Variants in RET observed in about 807,000 individuals in gnomAD.
RET encodes proto-oncogene tyrosine-protein kinase receptor Ret.
Under a neutral mutation model 118.3 loss-of-function variants are expected in RET, and 19 were observed. That is an observed-to-expected ratio of 0.16 (90% CI 0.11 to 0.24). RET has a LOEUF of 0.24. RET is among the 10% of genes least tolerant of loss of function. The pLI, the probability that RET is intolerant of heterozygous loss-of-function variation, is 1.00. For synonymous variants in RET, 597 were observed against 644.1 expected (o/e 0.93, Z 1.11); for missense variants, 1,219 against 1,502.1 (o/e 0.81, Z 3.12).
intron 12 of RET, 123 bp downstream of exon 12, chr10:43,116,854 T>G (rs1588875673): frequency 2.4e-6 from 3 of 1,260,664 alleles, no homozygotes; most frequent in Non-Finnish European, 3.3e-6. Flanking sequence ...GCGGCTGCAG[T>G]TGGGGGACCC....
intron 1 of RET, among the ~76,000 whole-genome samples, chr10:43,090,947 G>T (rs1375635920): frequency 6.6e-6 from 1 of 151,502 alleles, no homozygotes. Context: ...AGCAGCTGAA[G>T]TGGGAACTGC....
Position 43,121,980 on chromosome 10 carries a change from C to G in RET, c.2765C>G (p.Ser922Cys), listed in dbSNP as rs377767432. The G allele has an allele frequency of 6.2e-7, 1 of 1,613,858 alleles. No homozygotes were observed. The highest frequency in any genetic ancestry group is 1.1e-5 in the South Asian group (1 of 91,070). Reference protein sequence around the residue: ...RIPVKWMAIESLFDHIYTTQS... With the variant: ...RIPVKWMAIECLFDHIYTTQS... ...CCAGTTAAATGGATGGCAATTGAAT[C>G]CCTTTTTGATCATATCTACACCACG... Residue 922 changes from serine to cysteine, a missense_variant, in exon 16 of 20, where the codon TCC becomes TGC. Around this residue, in one of 5 missense-constraint regions of RET, gnomAD observed 73 missense variants for 156.5 expected, o/e 0.47. Coordinates refer to ENST00000355710, the MANE Select transcript of RET (RefSeq NM_020975.6).
chr10:43,077,406 A>G (rs969818205), intron 1 of RET, 75 bp downstream of exon 1: 27 of 1,451,482 alleles, frequency 1.9e-5, no homozygotes, highest in Non-Finnish European at 2.2e-5. Flanking sequence ...GGGCGCGTTC[A>G]GAAGCGCCTT....
chr10:43,110,678 C>A (rs925179340), intron 6 of RET, among the ~76,000 whole-genome samples: 18 of 152,158 alleles, frequency 1.2e-4, no homozygotes, highest in African/African-American at 4.1e-4. Context: ...CCTGCATGGG[C>A]TGGGGCAACC....
intron 17 of RET, 101 bp downstream of exon 17, chr10:43,123,909 AAGTGG>A: frequency 6.4e-7 from 1 of 1,571,556 alleles, no homozygotes; most frequent in East Asian, 2.2e-5. Flanking sequence ...AAACCAGGAG[AAGTGG>A]GGGGTGGGGA....
rs117421586 is a variant in RET at position 43,101,977 on chromosome 10, C to T, written c.338-365C>T. Among the ~76,000 whole-genome samples, 161 of 151,782 alleles carry T rather than the reference C, an allele frequency of 1.1e-3. 3 individuals are homozygous for T. The East Asian group carries it at 0.029, about 27-fold the overall frequency. ...TCTAGGCATTGGGGAAGTATGTCTGCGGCCACTCCAAACCTCCTGAGGAGG... is the reference window on the plus strand; with the variant it reads ...TCTAGGCATTGGGGAAGTATGTCTGTGGCCACTCCAAACCTCCTGAGGAGG... On this transcript the variant is annotated intron_variant, in intron 2 of 19. Transcript: ENST00000355710.
At chr10:43,112,674 T>A (rs931663291) in intron 8 of RET, among the ~76,000 whole-genome samples, 179 bp from the exon 9 acceptor site, 1 of 152,098 alleles carries the variant, frequency 6.6e-6, no homozygotes, top group Non-Finnish European at 1.5e-5. Flanking sequence ...CCCCCATACC[T>A]CCTCTCCCAT....
At chr10:43,107,432 G>C (rs1031711946) in intron 5 of RET, among the ~76,000 whole-genome samples, 1 of 152,128 alleles carries the variant, frequency 6.6e-6, no homozygotes. Context: ...GGCCTGCGGG[G>C]TCATTGGGTC....
At chr10:43,112,262 C>T (rs774403921) in intron 8 of RET, 38 bp downstream of exon 8, 22 of 1,549,748 alleles carry the variant, frequency 1.4e-5, no homozygotes, top group Middle Eastern at 1.8e-4. Context: ...CCTGCAGGGG[C>T]GATGGCACCG....
chr10:43,099,597 A>T (rs1283603374), intron 1 of RET, among the ~76,000 whole-genome samples: 1 of 152,228 alleles, frequency 6.6e-6, no homozygotes, highest in Non-Finnish European at 1.5e-5. Flanking sequence ...TTAGCTGCAC[A>T]ATACTGACAA....
At chr10:43,085,609 G>A (rs770407395) in intron 1 of RET, among the ~76,000 whole-genome samples, 8 of 152,136 alleles carry the variant, frequency 5.3e-5, no homozygotes, top group Non-Finnish European at 1.0e-4. Context: ...TGAGGACCTC[G>A]GCTGAGAGGA....
Position 43,077,275 on chromosome 10 carries a change from C to A in RET, c.17C>A (p.Ser6Tyr). The part of the protein sequence containing the change: MAKAT[S>Y]GAAGLRLLLL... Reference sequence around the variant, plus strand: ...GCACGGGCGATGGCGAAGGCGACGTCCGGTGCCGCGGGGCTGCGTCTGCTG... The same window carrying A: ...GCACGGGCGATGGCGAAGGCGACGTACGGTGCCGCGGGGCTGCGTCTGCTG... Residue 6 changes from serine (S) to tyrosine (Y), a missense_variant, in exon 1 of 20, where the codon TCC becomes TAC. By Grantham distance (144) the Ser-to-Tyr change is moderately radical (BLOSUM62 -2). Around this residue, in one of 5 missense-constraint regions of RET, gnomAD observed 38 missense variants for 33.1 expected, o/e 1.15. Coordinates refer to ENST00000355710, the MANE Select transcript of RET (RefSeq NM_020975.6). The A allele has an allele frequency of 6.6e-7, 1 of 1,506,662 alleles. No individual in the cohort carries two copies. 93.3% of individuals were successfully genotyped at this position (1,506,662 alleles called of 1,614,324 possible). A position where few individuals can be genotyped will look rare whatever the true frequency, so the allele number is the denominator to read the frequency against.
chr10:43,109,005 G>A, intron 5 of RET, 26 bp from the exon 6 acceptor site: 1 of 1,607,534 alleles, frequency 6.2e-7, no homozygotes, highest in Non-Finnish European at 8.5e-7. Context: ...GCAGCTTGGT[G>A]GTCATTGTTG....
chr10:43,117,648 C>G (rs1783144183), intron 12 of RET, among the ~76,000 whole-genome samples: 1 of 152,254 alleles, frequency 6.6e-6, no homozygotes. Context: ...CAGCACAGCT[C>G]TGGCCACCAT....
At chr10:43,085,338 CCTGCTGCTGAACTCTCTCCTTT>C (rs919301213) in intron 1 of RET, among the ~76,000 whole-genome samples, 15 of 152,328 alleles carry the variant, frequency 9.8e-5, no homozygotes, top group East Asian at 5.8e-4. Flanking sequence ...TCTGCTCCTT[CCTGCTGCTGAACTCTCTCCTTT>C]CTGCTGCTGA....
chr10:43,105,478 C>T (rs1346727142), intron 4 of RET, among the ~76,000 whole-genome samples: 1 of 152,110 alleles, frequency 6.6e-6, no homozygotes, highest in Non-Finnish European at 1.5e-5. Flanking sequence ...GCGCGCTGCC[C>T]GGGCGGGGAG....
At chr10:43,122,762 T>C (rs189214811) in intron 16 of RET, among the ~76,000 whole-genome samples, 5 of 152,252 alleles carry the variant, frequency 3.3e-5, no homozygotes, top group African/African-American at 1.2e-4. Context: ...CACGTGCTAC[T>C]TCGCCTGGCT....
intron 1 of RET, among the ~76,000 whole-genome samples, chr10:43,098,665 G>A (rs1190426274): frequency 6.6e-6 from 1 of 152,140 alleles, no homozygotes; most frequent in African/African-American, 2.4e-5. Context: ...TAAGTGATCT[G>A]CCCACCTAGG....
At chr10:43,090,173 T>G (rs2435343) in intron 1 of RET, among the ~76,000 whole-genome samples, 60,091 of 152,100 alleles carry the variant, frequency 0.4, 12,135 homozygotes, top group South Asian at 0.51. Context: ...ACAGCTGTGT[T>G]TGGTGGCTGC....
Sources: gnomAD v4.1 joint callset for allele counts (sites outside exome capture counted in the v4.1 genomes callset) on GRCh38, gnomAD v4.1.1 for gene constraint, gnomAD v4.1.1 regional missense constraint, MANE v1.5 for transcripts, NCBI Gene and HGNC (gene_info 2026-07-23, HGNC 2026-07-21) for gene names.